FGF13: variants seen among roughly 807,000 people sequenced by gnomAD.
FGF13 encodes fibroblast growth factor homologous factor 2.
A neutral mutation model predicts 19.5 loss-of-function variants in FGF13; 2 were observed. The ratio of observed to expected loss-of-function variants is 0.10; its 90% confidence interval spans 0.04 to 0.32. The LOEUF (loss-of-function observed/expected upper bound fraction) is 0.32, where lower values mean the gene tolerates loss of function less well. Ranked by LOEUF, FGF13 falls within the 10% of genes least tolerant of loss-of-function variation. The pLI is 1.00. For synonymous variants in FGF13, 72 were observed against 76.9 expected (o/e 0.94, Z 0.33); for missense variants, 113 against 192.7 (o/e 0.59, Z 2.45).
intron 1 of FGF13, among the ~76,000 whole-genome samples, chrX:139,177,016 A>C (rs1281508301): frequency 9.0e-6 from 1 of 110,814 alleles, no homozygotes; most frequent in Non-Finnish European, 1.9e-5. Flanking sequence ...GAGGTGTTAA[A>C]GTCTCCCAGT....
At chrX:138,989,268 T>C (rs909827091) in intron 1 of FGF13, among the ~76,000 whole-genome samples, 1 of 111,680 alleles carries the variant, frequency 9.0e-6, no homozygotes, top group Admixed American at 9.6e-5. Context: ...CCTGGGATTT[T>C]ATGTTACTGC....
chrX:138,932,220 C>T (rs996034038), intron 1 of FGF13, among the ~76,000 whole-genome samples: 2 of 111,931 alleles, frequency 1.8e-5, no homozygotes, highest in Non-Finnish European at 3.8e-5. Flanking sequence ...GAGCTTAGTA[C>T]CATTTGCAGC....
At chrX:139,037,385 A>C (rs2092254067) in intron 1 of FGF13, among the ~76,000 whole-genome samples, 1 of 111,088 alleles carries the variant, frequency 9.0e-6, no homozygotes, top group African/African-American at 3.3e-5. Flanking sequence ...ACAGTATAGA[A>C]TTAGAAAGCT....
chrX:139,130,221 G>A (rs1306747660), intron 1 of FGF13, among the ~76,000 whole-genome samples: 1 of 111,431 alleles, frequency 9.0e-6, no homozygotes, highest in Non-Finnish European at 1.9e-5. Flanking sequence ...ATTAACTCAG[G>A]GAATATTGCA....
intron 1 of FGF13, among the ~76,000 whole-genome samples, chrX:138,977,491 G>T (rs2091944263): frequency 8.9e-6 from 1 of 112,289 alleles, no homozygotes; most frequent in African/African-American, 3.2e-5. Flanking sequence ...TGTGGGAAAA[G>T]GTTTCTTTTT....
In FGF13 at chrX:138,622,756, A is replaced by T. The variant is rs771308816; in HGVS notation, c.*10094T>A. 8.9e-6 allele frequency: 1 copy of T among 112,355 alleles called. No homozygotes were observed. Among genetic ancestry groups the T allele is most frequent in the African/African-American group, 3.2e-5 (1 of 31,053 alleles). The allele number at this position is 112,355 out of a possible 1,213,427, so 9.3% of individuals were successfully genotyped here. A position where few individuals can be genotyped will look rare whatever the true frequency, so the allele number is the denominator to read the frequency against. On this transcript the variant is annotated 3_prime_UTR_variant, in exon 5 of 5. Coordinates refer to ENST00000315930, the MANE Select transcript of FGF13 (RefSeq NM_004114.5). ...ATAAATAAATTCAGTGAAGTTGTAA[A>T]GATTTTTGGGGACTTATGTGGTGCC...
chrX:138,695,249 T>G (rs1159247752), intron 3 of FGF13, among the ~76,000 whole-genome samples: 1 of 111,532 alleles, frequency 9.0e-6, no homozygotes. Context: ...TTGTGAATGC[T>G]TATTTTAAAA....
chrX:139,066,478 A>G (rs780638866), intron 1 of FGF13, among the ~76,000 whole-genome samples: 1 of 112,085 alleles, frequency 8.9e-6, no homozygotes, highest in Non-Finnish European at 1.9e-5. Flanking sequence ...AAGGGGTATC[A>G]CCACTGATCC....
chrX:139,141,102 T>TACACAC (rs748785543), intron 1 of FGF13, among the ~76,000 whole-genome samples: 3,839 of 97,147 alleles, frequency 0.04, 239 homozygotes, highest in African/African-American at 0.14. Context: ...GATAAGAGTG[T>TACACAC]ACACACACAC....
In FGF13 at chrX:138,938,153, TCTC is replaced by T. The variant is rs766941376; in HGVS notation, c.-112-73506_-112-73504del. 1.6e-3 allele frequency among the ~76,000 whole-genome samples: 173 copies of T among 111,418 alleles called. 1 individual carries two copies. Among genetic ancestry groups the T allele is most frequent in the African/African-American group, 5.5e-3 (169 of 30,639 alleles). On this transcript the variant is annotated intron_variant, in intron 1 of 2. Transcript: ENST00000421460. ...ATTTGTGATAACATTTTCTCCCTCT[TCTC>T]CTCCTGCCCTGGACTACACCACACC...
chrX:139,154,258 T>C (rs757347421), intron 1 of FGF13, among the ~76,000 whole-genome samples: 1 of 110,592 alleles, frequency 9.0e-6, no homozygotes, highest in Admixed American at 9.6e-5. Context: ...TGTGCAGGAG[T>C]GGGCAAGGGG....
At chrX:138,842,246 C>T (rs910111142) in intron 3 of FGF13, among the ~76,000 whole-genome samples, 4 of 111,283 alleles carry the variant, frequency 3.6e-5, no homozygotes, top group Non-Finnish European at 7.5e-5. Flanking sequence ...AAGGCAGGGA[C>T]TCTGTCATAT....
chrX:139,030,039 T>G (rs911730211), intron 1 of FGF13, among the ~76,000 whole-genome samples: 5 of 111,840 alleles, frequency 4.5e-5, no homozygotes, highest in African/African-American at 1.6e-4. Flanking sequence ...CAATAAAACT[T>G]TACTTACAAA....
chrX:138,812,101 T>G (rs904032288), intron 3 of FGF13, among the ~76,000 whole-genome samples: 1 of 111,323 alleles, frequency 9.0e-6, no homozygotes, highest in Non-Finnish European at 1.9e-5. Context: ...CTGCAAGCAC[T>G]AACCTACCAT....
intron 1 of FGF13, among the ~76,000 whole-genome samples, chrX:139,070,811 A>G (rs2092374121): frequency 8.9e-6 from 1 of 112,108 alleles, no homozygotes; most frequent in Non-Finnish European, 1.9e-5. Flanking sequence ...GCGGCCATAT[A>G]AAAGGATGAG....
intron 1 of FGF13, among the ~76,000 whole-genome samples, chrX:138,952,179 A>G (rs890669957): frequency 3.6e-5 from 4 of 111,538 alleles, no homozygotes; most frequent in Non-Finnish European, 7.5e-5. Flanking sequence ...TTCAAACTAT[A>G]CTACAGGGCT....
At chrX:139,178,702 CG>C (rs1415638215) in intron 1 of FGF13, among the ~76,000 whole-genome samples, 2 of 112,032 alleles carry the variant, frequency 1.8e-5, no homozygotes, top group Non-Finnish European at 3.8e-5. Flanking sequence ...ACAAGTTATG[CG>C]TAGAAAAACA....
chrX:138,945,244 A>C (rs961338617), intron 1 of FGF13, among the ~76,000 whole-genome samples: 2 of 111,304 alleles, frequency 1.8e-5, no homozygotes, highest in East Asian at 5.7e-4. Flanking sequence ...CTTCATTGCT[A>C]TGAAGACTAC....
intron 1 of FGF13, among the ~76,000 whole-genome samples, chrX:139,106,957 T>A (rs763450924): frequency 8.9e-6 from 1 of 112,221 alleles, no homozygotes; most frequent in African/African-American, 3.2e-5. Flanking sequence ...AGCCTCCGGA[T>A]ATCTCCGGAA....
Sources: allele counts gnomAD v4.1 joint callset (sites outside exome capture counted in the v4.1 genomes callset), GRCh38; gene constraint gnomAD v4.1.1; transcripts MANE v1.5; gene names NCBI Gene and HGNC (gene_info 2026-07-23, HGNC 2026-07-21).